The following SCHIP1 variants were observed in gnomAD, a reference collection of about 807,000 sequenced individuals.
SCHIP1 encodes the protein schwannomin interacting protein 1.
A neutral mutation model predicts 29.7 loss-of-function variants in SCHIP1; 8 were observed. The observed-to-expected ratio is 0.27, with a 90% CI of 0.16 to 0.49. The LOEUF is 0.49. Ranked by LOEUF, SCHIP1 falls within the 20% of genes least tolerant of loss-of-function variation. SCHIP1 has a pLI of 0.99. For missense variants in SCHIP1, 193 were observed against 294.6 expected (o/e 0.66, Z 2.52); for synonymous variants, 76 against 94.9 (o/e 0.80, Z 1.16).
chr3:159,432,335 T>TGAGA, the SCHIP1 span, among the ~76,000 whole-genome samples: 8 of 85,908 alleles, frequency 9.3e-5, no homozygotes, highest in African/African-American at 1.7e-4. Context: ...TGTGTGTGTG[T>TGAGA]GTGTGAGAGA....
At chr3:159,620,844 T>C in the SCHIP1 span, among the ~76,000 whole-genome samples, 2 of 152,272 alleles carry the variant, frequency 1.3e-5, no homozygotes, top group Non-Finnish European at 2.9e-5. Flanking sequence ...TCCTTGAATA[T>C]AGCTTCAGGC....
the SCHIP1 span, among the ~76,000 whole-genome samples, chr3:159,310,917 A>G: frequency 1.3e-5 from 2 of 152,160 alleles, no homozygotes; most frequent in Non-Finnish European, 2.9e-5. Flanking sequence ...AAATAGAGAT[A>G]TGATCCATCT....
the SCHIP1 span, among the ~76,000 whole-genome samples, chr3:159,326,440 G>A: frequency 1.3e-5 from 2 of 151,984 alleles, no homozygotes; most frequent in African/African-American, 2.4e-5. Flanking sequence ...TATGTTTAAC[G>A]ATTACAATTA....
the SCHIP1 span, among the ~76,000 whole-genome samples, chr3:159,666,899 G>A: frequency 6.6e-6 from 1 of 152,164 alleles, no homozygotes; most frequent in Non-Finnish European, 1.5e-5. Context: ...AAGGTTTCAG[G>A]CATTTAAGCC....
At chr3:159,535,077 C>T in the SCHIP1 span, among the ~76,000 whole-genome samples, 1 of 152,170 alleles carries the variant, frequency 6.6e-6, no homozygotes, top group African/African-American at 2.4e-5. Flanking sequence ...TTTAATTTAA[C>T]ACGTTGAGCA....
At chr3:159,531,797 T>C in the SCHIP1 span, among the ~76,000 whole-genome samples, 2 of 152,194 alleles carry the variant, frequency 1.3e-5, no homozygotes, top group South Asian at 4.1e-4. Context: ...TTACAGGTCT[T>C]AGAAATTGTT....
the SCHIP1 span, among the ~76,000 whole-genome samples, chr3:159,395,726 A>T: frequency 1.3e-5 from 2 of 151,314 alleles, no homozygotes; most frequent in Non-Finnish European, 3.0e-5. Flanking sequence ...TGCTGAGGAG[A>T]GCTTTACTTC....
the SCHIP1 span, among the ~76,000 whole-genome samples, chr3:159,426,572 C>T: frequency 6.6e-6 from 1 of 152,164 alleles, no homozygotes; most frequent in Non-Finnish European, 1.5e-5. Flanking sequence ...AGTCCAGGAT[C>T]AGATGGATTC....
the SCHIP1 span, among the ~76,000 whole-genome samples, chr3:159,807,708 G>A: frequency 6.6e-6 from 1 of 152,170 alleles, no homozygotes; most frequent in East Asian, 1.9e-4. Flanking sequence ...CTGGACAGCT[G>A]TTTAATTTTG....
the SCHIP1 span, among the ~76,000 whole-genome samples, chr3:159,465,187 ACTC>A: frequency 2.0e-5 from 3 of 151,958 alleles, no homozygotes; most frequent in Non-Finnish European, 4.4e-5. Flanking sequence ...CTACAGAAAT[ACTC>A]CTTATTTTTT....
At chr3:159,282,101 G>A in the SCHIP1 span, among the ~76,000 whole-genome samples, 1 of 151,924 alleles carries the variant, frequency 6.6e-6, no homozygotes, top group Non-Finnish European at 1.5e-5. Flanking sequence ...TGCCACTATA[G>A]TTATCAATGT....
At chr3:159,372,139 T>A in the SCHIP1 span, among the ~76,000 whole-genome samples, 1 of 152,152 alleles carries the variant, frequency 6.6e-6, no homozygotes, top group African/African-American at 2.4e-5. Flanking sequence ...TCAGCATTTT[T>A]AAATCTGTTT....
the SCHIP1 span, among the ~76,000 whole-genome samples, chr3:159,303,613 G>A: frequency 6.6e-6 from 1 of 151,996 alleles, no homozygotes; most frequent in Non-Finnish European, 1.5e-5. Flanking sequence ...GTCACCTACT[G>A]AGCGGTGGAT....
the SCHIP1 span, among the ~76,000 whole-genome samples, chr3:159,441,859 C>CTAG: frequency 2.0e-5 from 3 of 151,218 alleles, no homozygotes; most frequent in Non-Finnish European, 4.4e-5. Flanking sequence ...ATTATTATTA[C>CTAG]TATTATTATT....
At chr3:159,493,483 CA>C in the SCHIP1 span, among the ~76,000 whole-genome samples, 1 of 151,986 alleles carries the variant, frequency 6.6e-6, no homozygotes, top group Non-Finnish European at 1.5e-5. Context: ...TTTAAACCAA[CA>C]AAGATCAAAA....
the SCHIP1 span, among the ~76,000 whole-genome samples, chr3:159,433,602 A>C: frequency 3.5e-4 from 54 of 152,312 alleles, no homozygotes; most frequent in African/African-American, 1.3e-3. Context: ...TCCTGGATTC[A>C]GTTCTGACTC....
chr3:159,734,382 C>T, the SCHIP1 span, among the ~76,000 whole-genome samples: 195 of 151,942 alleles, frequency 1.3e-3, 1 homozygote, highest in African/African-American at 4.5e-3. Context: ...CCTCATGATC[C>T]GCCCACCTCG....
chr3:159,382,180 C>A, the SCHIP1 span, among the ~76,000 whole-genome samples: 1 of 150,720 alleles, frequency 6.6e-6, no homozygotes, highest in Admixed American at 6.6e-5. Flanking sequence ...CACATGTATA[C>A]ATGTGCCATG....
At chr3:159,416,102 C>T in the SCHIP1 span, among the ~76,000 whole-genome samples, 2 of 152,204 alleles carry the variant, frequency 1.3e-5, no homozygotes, top group Non-Finnish European at 2.9e-5. Context: ...TTATTTCACA[C>T]CAGTGCCCTT....
Sources: gnomAD v4.1 joint callset for allele counts (sites outside exome capture counted in the v4.1 genomes callset) on GRCh38, gnomAD v4.1.1 for gene constraint, MANE v1.5 for transcripts, NCBI Gene and HGNC (gene_info 2026-07-23, HGNC 2026-07-21) for gene names.